Variants in CCDC125 observed in about 807,000 individuals in gnomAD.
CCDC125 encodes coiled-coil domain containing 125.
In CCDC125, 43 loss-of-function variants were observed where a neutral mutation model predicts 57.4. That is an observed-to-expected ratio of 0.75 (90% CI 0.59 to 0.97). The LOEUF (loss-of-function observed/expected upper bound fraction) is 0.97, where lower values mean the gene tolerates loss of function less well. CCDC125 is among the 50% of genes least tolerant of loss of function. The probability of loss-of-function intolerance (pLI) is 0.00; values close to 1 mark genes in which losing one functional copy is unlikely to be tolerated. For missense variants in CCDC125, 563 were observed against 595.7 expected (o/e 0.95, Z 0.57); for synonymous variants, 187 against 195.2 (o/e 0.96, Z 0.35).
intron 8 of CCDC125, among the ~76,000 whole-genome samples, chr5:69,295,499 T>G (rs1755160438): frequency 1.3e-5 from 2 of 152,204 alleles, no homozygotes; most frequent in South Asian, 4.1e-4. Context: ...TCAGGTAGCA[T>G]GTTTGAAATG....
intron 1 of CCDC125, chr5:69,323,667 A>G (rs1253281137): frequency 6.6e-6 from 1 of 152,180 alleles, no homozygotes; most frequent in Non-Finnish European, 1.5e-5. Flanking sequence ...CCGGCACCCT[A>G]GCAGGACTCC....
chr5:69,288,730 G>A (rs1487896361), intron 10 of CCDC125, among the ~76,000 whole-genome samples: 1 of 152,202 alleles, frequency 6.6e-6, no homozygotes, highest in Non-Finnish European at 1.5e-5. Flanking sequence ...AGACAACTCT[G>A]TGCTTTTGAC....
chr5:69,307,703 G>T, intron 5 of CCDC125: 6 of 435,894 alleles, frequency 1.4e-5, no homozygotes, highest in Non-Finnish European at 2.1e-5. Flanking sequence ...AAAAGAAGAA[G>T]AAATGAGAAG....
chr5:69,299,952 G>A (rs1057058840), intron 8 of CCDC125, 60 bp downstream of exon 8: 1 of 1,269,802 alleles, frequency 7.9e-7, no homozygotes, highest in Admixed American at 1.7e-5. Context: ...AGGGCAATGG[G>A]AGAAAGAAAG....
At chr5:69,324,841 C>T (rs1760525471) in intron 1 of CCDC125, among the ~76,000 whole-genome samples, 1 of 151,618 alleles carries the variant, frequency 6.6e-6, no homozygotes, top group African/African-American at 2.4e-5. Flanking sequence ...AGCGAGATCC[C>T]CATCACTAAT....
At chr5:69,306,128 T>C (rs1757293669) in intron 6 of CCDC125, among the ~76,000 whole-genome samples, 1 of 151,918 alleles carries the variant, frequency 6.6e-6, no homozygotes, top group Admixed American at 6.6e-5. Context: ...GATCTTGCTA[T>C]GTCATCTAGG....
intron 11 of CCDC125, 57 bp downstream of exon 11, chr5:69,285,280 G>A (rs146226275): frequency 2.1e-5 from 34 of 1,585,280 alleles, no homozygotes; most frequent in South Asian, 1.4e-4. Context: ...CCCACGGACC[G>A]TGGGTTGGAC....
downstream of CCDC125, chr5:69,277,354 T>C: frequency 2.4e-6 from 1 of 408,774 alleles, no homozygotes; most frequent in South Asian, 9.2e-5. Flanking sequence ...AAAAGTTCAA[T>C]ACTCTTGAAA....
At chr5:69,275,186 G>A (rs916099195), downstream of CCDC125, among the ~76,000 whole-genome samples, 2 of 151,990 alleles carry the variant, frequency 1.3e-5, no homozygotes, top group Non-Finnish European at 2.9e-5. Flanking sequence ...ATAGTAGGGG[G>A]AAAAAAAGAG....
chr5:69,301,246 C>T (rs1255631516), intron 7 of CCDC125, among the ~76,000 whole-genome samples: 13 of 152,056 alleles, frequency 8.5e-5, no homozygotes, highest in Non-Finnish European at 1.9e-4. Context: ...TAGCACTGGC[C>T]ATTACGGGCA....
At chr5:69,295,965 G>A (rs1755246882) in intron 8 of CCDC125, among the ~76,000 whole-genome samples, 1 of 150,276 alleles carries the variant, frequency 6.7e-6, no homozygotes, top group Non-Finnish European at 1.5e-5. Flanking sequence ...CTCACTGCAA[G>A]CTCTGCCTCC....
intron 10 of CCDC125, among the ~76,000 whole-genome samples, chr5:69,286,529 G>A (rs1023135081): frequency 1.3e-5 from 2 of 151,484 alleles, no homozygotes; most frequent in African/African-American, 2.4e-5. Context: ...CACCGCGCCC[G>A]GCCAACTTTA....
At chr5:69,331,530 G>A (rs1761426323) in intron 1 of CCDC125, among the ~76,000 whole-genome samples, 1 of 151,894 alleles carries the variant, frequency 6.6e-6, no homozygotes, top group Non-Finnish European at 1.5e-5. Flanking sequence ...GCGCCCAGCC[G>A]AAACTCCGTT....
At chr5:69,299,724 A>G (rs1264347879) in intron 8 of CCDC125, among the ~76,000 whole-genome samples, 1 of 152,190 alleles carries the variant, frequency 6.6e-6, no homozygotes, top group Non-Finnish European at 1.5e-5. Context: ...GTAAGCCCCG[A>G]CCCACATGTG....
intron 4 of CCDC125, chr5:69,308,990 A>T (rs2150498699): frequency 6.5e-6 from 1 of 153,016 alleles, no homozygotes; most frequent in Admixed American, 6.5e-5. Flanking sequence ...GGAACTTTGA[A>T]CTTGAGAGAG....
At chr5:69,299,506 C>G (rs543742961) in intron 8 of CCDC125, among the ~76,000 whole-genome samples, 5 of 152,200 alleles carry the variant, frequency 3.3e-5, no homozygotes, top group Non-Finnish European at 5.9e-5. Context: ...GCCAAACTCC[C>G]ACATTGCCAG....
At chr5:69,312,917 A>C (rs1758391700) in intron 3 of CCDC125, among the ~76,000 whole-genome samples, 1 of 152,138 alleles carries the variant, frequency 6.6e-6, no homozygotes, top group East Asian at 1.9e-4. Context: ...AGCAGTGACC[A>C]GGGGAAAAGG....
At chr5:69,329,413 C>G (rs536768839) in intron 1 of CCDC125, among the ~76,000 whole-genome samples, 2 of 151,876 alleles carry the variant, frequency 1.3e-5, no homozygotes, top group South Asian at 2.1e-4. Context: ...GTCTCAAACT[C>G]CTGGGCTCAA....
chr5:69,292,782 A>C (rs1178929678), intron 9 of CCDC125, among the ~76,000 whole-genome samples: 1 of 151,780 alleles, frequency 6.6e-6, no homozygotes, highest in Non-Finnish European at 1.5e-5. Flanking sequence ...CTTATAGATG[A>C]CCTTGACTTT....
Sources: gnomAD v4.1 joint callset for allele counts (sites outside exome capture counted in the v4.1 genomes callset) on GRCh38, gnomAD v4.1.1 for gene constraint, MANE v1.5 for transcripts, NCBI Gene and HGNC (gene_info 2026-07-23, HGNC 2026-07-21) for gene names.